Variants in CAMK2G observed in about 807,000 individuals in gnomAD.
CAMK2G encodes the protein calcium/calmodulin dependent protein kinase II gamma, also known as calcium/calmodulin-dependent protein kinase type II subunit gamma.
CAMK2G carries 23 observed loss-of-function variants against 88.7 expected under a neutral mutation model. The observed-to-expected ratio is 0.26, with a 90% confidence interval of 0.19 to 0.37. The LOEUF is 0.37. Among genes scored for constraint, CAMK2G ranks in the 10% least tolerant of loss-of-function variants. CAMK2G has a pLI of 1.00. For missense variants in CAMK2G, 476 were observed against 780.8 expected (o/e 0.61, Z 4.65); for synonymous variants, 263 against 294.8 (o/e 0.89, Z 1.11).
intron 2 of CAMK2G, among the ~76,000 whole-genome samples, chr10:73,866,782 G>A (rs1160452623): frequency 6.6e-6 from 1 of 152,086 alleles, no homozygotes; most frequent in Non-Finnish European, 1.5e-5. Context: ...GGTCCCCTTG[G>A]CACTCTGAGG....
At chr10:73,828,150 G>A (rs1176925771) in intron 14 of CAMK2G, 29 bp from the exon 15 acceptor site, 12 of 1,598,452 alleles carry the variant, frequency 7.5e-6, no homozygotes, top group Non-Finnish European at 1.0e-5. Context: ...GAGGGAAAGA[G>A]AAGGGGAAAG....
chr10:73,856,671 G>A (rs1484999592), intron 3 of CAMK2G, among the ~76,000 whole-genome samples: 1 of 152,232 alleles, frequency 6.6e-6, no homozygotes, highest in Non-Finnish European at 1.5e-5. Context: ...TAAAGACAGG[G>A]CATGAAGGCC....
At chr10:73,862,952 G>A (rs952637876) in intron 2 of CAMK2G, among the ~76,000 whole-genome samples, 5 of 152,202 alleles carry the variant, frequency 3.3e-5, no homozygotes, top group South Asian at 2.1e-4. Context: ...TGGAAGAAAC[G>A]GAGGCCCAGG....
In CAMK2G at chr10:73,815,334, C is replaced by T; in HGVS notation, c.1535-87G>A. ...AGCCTGCACTTCCAAGTCTTACCAT[C>T]TCCCAAGCAACCACTCCCAGAATCT... On this transcript the variant is annotated intron_variant, in intron 21 of 22. Transcript: ENST00000423381. The T allele has an allele frequency of 5.6e-6, 5 of 895,544 alleles. No individual in the cohort carries two copies. In the South Asian group the frequency reaches 6.2e-5, roughly 11 times the overall value. 55.5% of individuals were successfully genotyped at this position (895,544 alleles called of 1,614,324 possible).
rs906857803 is a variant in CAMK2G at position 73,848,432 on chromosome 10, G to A, written c.601+94C>T. 9.6e-6 allele frequency: 8 copies of A among 834,892 alleles called. No individual in the cohort carries two copies. The highest frequency in any genetic ancestry group is 1.4e-5 in the Non-Finnish European group (7 of 489,668). The allele number at this position is 834,892 out of a possible 1,614,324, so 51.7% of individuals were successfully genotyped here. A position where few individuals can be genotyped will look rare whatever the true frequency, so the allele number is the denominator to read the frequency against. On this transcript the variant is annotated intron_variant, in intron 8 of 22. Coordinates refer to ENST00000423381, the MANE Select transcript of CAMK2G (RefSeq NM_001367534.1). The surrounding 1 kb of genome is among the most constrained non-coding windows in gnomAD (Gnocchi z 4.5). ...AATTTCACATACACCAGGCACGTGT[G>A]TGACCTGCAAGGAATAGCGATGCCT...
intron 16 of CAMK2G, 59 bp downstream of exon 16, chr10:73,825,220 G>T: frequency 8.4e-7 from 1 of 1,196,994 alleles, no homozygotes; most frequent in South Asian, 1.2e-5. Flanking sequence ...AGAGGAGGAA[G>T]AGGGAAGGGG....
At chr10:73,834,875 A>G (rs913184760) in intron 14 of CAMK2G, among the ~76,000 whole-genome samples, 1 of 151,946 alleles carries the variant, frequency 6.6e-6, no homozygotes, top group African/African-American at 2.4e-5. Context: ...TGCCTTTTCC[A>G]TCCTCTCCCC....
chr10:73,837,982 G>A (rs995003636), intron 13 of CAMK2G, among the ~76,000 whole-genome samples: 1 of 152,236 alleles, frequency 6.6e-6, no homozygotes, highest in Non-Finnish European at 1.5e-5. Context: ...CCAGAGGACA[G>A]ACAGACACAG....
chr10:73,833,909 G>GT (rs778838628), intron 14 of CAMK2G, among the ~76,000 whole-genome samples: 12,087 of 63,394 alleles, frequency 0.19, 4,012 homozygotes, highest in East Asian at 0.51. Context: ...TATCTACTGG[G>GT]TTTTTTTTTT....
rs758259904 is a variant in CAMK2G, at chr10:73,825,809, C to T, written c.1087-462G>A. On this transcript the variant is annotated intron_variant, in intron 15 of 22. Transcript: ENST00000423381. ...GTATTTCCTTCTTACAACACCAGCT[C>T]GAAGCCTGAAACAAAGAGGAAGGAG... Among the ~76,000 whole-genome samples, 19 of 152,312 alleles carry T rather than the reference C, an allele frequency of 1.2e-4. No individual in the cohort carries two copies. In the East Asian group the frequency reaches 1.5e-3, roughly 12 times the overall value.
Position 73,837,498 on chromosome 10 carries a change from T to C in CAMK2G, c.1023A>G (p.Leu341=), listed in dbSNP as rs751202269. ...AGLAGQAAKS[L]LNKKSDGGVK... ...CACCGCCATCCGACTTCTTGTTCAA[T>C]AGGCTTTTGGCAGCTGTGAAAACAA... The change falls in exon 14 of 23, where the codon CTA becomes CTG. Residue 341 remains leucine (L), a synonymous_variant. Transcript: ENST00000423381. The C allele has an allele frequency of 1.5e-5, 25 of 1,613,688 alleles. No individual in the cohort carries two copies. Among genetic ancestry groups the C allele is most frequent in the South Asian group, 6.6e-5 (6 of 91,068 alleles).
intron 1 of CAMK2G, 160 bp from the exon 2 acceptor site, chr10:73,873,243 G>T (rs995563942): frequency 1.9e-6 from 2 of 1,046,950 alleles, no homozygotes; most frequent in African/African-American, 3.2e-5. Flanking sequence ...TCCAACATGA[G>T]GCAAAAGGAC....
intron 1 of CAMK2G, chr10:73,873,593 C>T: frequency 2.2e-6 from 2 of 925,190 alleles, no homozygotes; most frequent in Non-Finnish European, 2.6e-6. Context: ...GGTTTCATCT[C>T]ACTGCATCCC....
intron 14 of CAMK2G, among the ~76,000 whole-genome samples, chr10:73,833,526 T>C: frequency 6.6e-6 from 1 of 152,138 alleles, no homozygotes; most frequent in East Asian, 1.9e-4. Flanking sequence ...GCTAGAAATT[T>C]TTCCACATTT....
At chr10:73,821,618 C>T in intron 18 of CAMK2G, 64 bp downstream of exon 18, 1 of 1,245,318 alleles carries the variant, frequency 8.0e-7, no homozygotes. Context: ...GGCAGGTGCC[C>T]CATTGGAGCC....
intron 3 of CAMK2G, among the ~76,000 whole-genome samples, chr10:73,859,480 T>A (rs1445647083): frequency 6.6e-6 from 1 of 152,244 alleles, no homozygotes; most frequent in Non-Finnish European, 1.5e-5. Context: ...CTGTGACTGC[T>A]GTTCTAGGTG....
At chr10:73,845,834 C>T (rs1322388365) in intron 10 of CAMK2G, among the ~76,000 whole-genome samples, 1 of 151,998 alleles carries the variant, frequency 6.6e-6, no homozygotes, top group Non-Finnish European at 1.5e-5. Flanking sequence ...TTAGACTATT[C>T]CAACTATTAA....
chr10:73,856,722 G>A (rs570067206), intron 3 of CAMK2G, among the ~76,000 whole-genome samples: 3 of 152,332 alleles, frequency 2.0e-5, no homozygotes, highest in South Asian at 4.1e-4. Flanking sequence ...AAGATCTGGG[G>A]AAAGGAGTAT....
At chr10:73,826,841 A>C (rs988634629) in intron 15 of CAMK2G, among the ~76,000 whole-genome samples, 1 of 152,170 alleles carries the variant, frequency 6.6e-6, no homozygotes, top group African/African-American at 2.4e-5. Context: ...CTTGCTGTCA[A>C]TGGCTCAGAC....
Sources: allele counts gnomAD v4.1 joint callset (sites outside exome capture counted in the v4.1 genomes callset), GRCh38; gene constraint gnomAD v4.1.1; non-coding constraint Gnocchi (gnomAD v3.1); transcripts MANE v1.5; gene names NCBI Gene and HGNC (gene_info 2026-07-23, HGNC 2026-07-21).